LARP4B: variants seen among roughly 807,000 people sequenced by gnomAD.
The protein encoded by LARP4B is la-related protein 4B.
In LARP4B, 12 loss-of-function variants were observed where a neutral mutation model predicts 89.8. The observed-to-expected ratio is 0.13, with a 90% CI of 0.09 to 0.22. The LOEUF (loss-of-function observed/expected upper bound fraction) is 0.22. Ranked by LOEUF, LARP4B falls within the 10% of genes least tolerant of loss-of-function variation. The pLI is 1.00. For synonymous variants in LARP4B, 367 were observed against 363.3 expected (o/e 1.01, Z -0.12); for missense variants, 757 against 947.7 (o/e 0.80, Z 2.64).
the LARP4B span, among the ~76,000 whole-genome samples, chr10:948,664 C>T: frequency 6.6e-6 from 1 of 152,248 alleles, no homozygotes; most frequent in Non-Finnish European, 1.5e-5. Flanking sequence ...GAACTTCCCT[C>T]CCATCCCTGC....
chr10:927,027 G>A (rs1362872440), intron 1 of LARP4B, among the ~76,000 whole-genome samples: 6 of 147,972 alleles, frequency 4.1e-5, no homozygotes, highest in South Asian at 2.1e-4. Flanking sequence ...GCAACAGAAC[G>A]AGACTCGGTC....
Position 843,458 on chromosome 10 carries a change from G to C in LARP4B, c.510-390C>G, listed in dbSNP as rs376730729. The stretch of plus-strand genomic sequence containing the variant: ...TCACGCCTGGAATCCCAGCACTTTG[G>C]GGGGCCAAGGTAGGCAGATCATCTG... On this transcript the variant is annotated intron_variant, in intron 6 of 17. Transcript: ENST00000316157. Among the ~76,000 whole-genome samples the C allele has an allele frequency of 1.1e-3, 160 of 152,278 alleles. 2 individuals carry two copies. The South Asian group carries it at 0.012, about 12-fold the overall frequency.
chr10:903,605 A>G (rs1390514346), intron 1 of LARP4B: 2 of 152,250 alleles, frequency 1.3e-5, no homozygotes, highest in Non-Finnish European at 2.9e-5. Context: ...AATTGGCAGC[A>G]CAGCACACAG....
rs373724119 is a variant in LARP4B, at chr10:928,058, C to CAA, written c.-40+3368_-40+3369dup. On this transcript the variant is annotated intron_variant, in intron 1 of 17. Coordinates refer to ENST00000316157, the MANE Select transcript of LARP4B (RefSeq NM_015155.3). Reference sequence around the variant, plus strand: ...TGAAATCCCAACTCTACTAAAAATACAAAAAAAAAAAAAATTAGCCAGGTG... The same window carrying CAA: ...TGAAATCCCAACTCTACTAAAAATACAAAAAAAAAAAAAAAATTAGCCAGGTG... Among the ~76,000 whole-genome samples the CAA allele has an allele frequency of 1.6e-3, 224 of 138,822 alleles. 4 individuals are homozygous for CAA. Among genetic ancestry groups the CAA allele is most frequent in the Middle Eastern group, 3.7e-3 (1 of 272 alleles). The allele number at this position is 138,822 out of a possible 152,430, so 91.1% of individuals were successfully genotyped here. A position where few individuals can be genotyped will look rare whatever the true frequency, so the allele number is the denominator to read the frequency against.
At chr10:837,617 A>G (rs562708753) in intron 7 of LARP4B, among the ~76,000 whole-genome samples, 11 of 152,330 alleles carry the variant, frequency 7.2e-5, no homozygotes, top group African/African-American at 2.6e-4. Flanking sequence ...TAATCAAGGG[A>G]ATAAAACACA....
rs370804752 is a variant in LARP4B, at chr10:813,018, G to T, written c.2125C>A (p.Gln709Lys). 6.2e-7 allele frequency: 1 copy of T among 1,606,206 alleles called. No homozygotes were observed. Among genetic ancestry groups the T allele is most frequent in the African/African-American group, 1.3e-5 (1 of 74,098 alleles). ...LKSTPGAPRD[Q>K]RRPAGGRPSP... Reference sequence around the variant, plus strand: ...GGCCGGCCCCCCGCCGGCCGCCTCTGGTCTCTGGGGGCTCCAGGTGTGGAC... The same window carrying T: ...GGCCGGCCCCCCGCCGGCCGCCTCTTGTCTCTGGGGGCTCCAGGTGTGGAC... The change falls in exon 18 of 18, where the codon CAG (glutamine) becomes AAG (lysine). Residue 709 changes from glutamine (Q) to lysine (K), a missense_variant. Physicochemically the swap from Gln to Lys is moderately conservative, Grantham distance 53. Coordinates refer to ENST00000316157, the MANE Select transcript of LARP4B (RefSeq NM_015155.3).
chr10:931,083 G>A (rs1273230810), intron 1 of LARP4B, among the ~76,000 whole-genome samples: 1 of 150,288 alleles, frequency 6.7e-6, no homozygotes, highest in African/African-American at 2.4e-5. Flanking sequence ...CTCCCGCCTC[G>A]CCTCAACGGG....
intron 5 of LARP4B, among the ~76,000 whole-genome samples, chr10:847,808 C>A (rs558715362): frequency 6.6e-6 from 1 of 152,160 alleles, no homozygotes; most frequent in Non-Finnish European, 1.5e-5. Flanking sequence ...GGATTCCAGG[C>A]GTGAGCCACC....
At chr10:885,344 A>G (rs934540620) in intron 2 of LARP4B, among the ~76,000 whole-genome samples, 3 of 152,196 alleles carry the variant, frequency 2.0e-5, no homozygotes, top group African/African-American at 7.2e-5. Context: ...CAAAAAAAAA[A>G]TACAGTTTTC....
At chr10:896,608 TTTG>T (rs934896082) in intron 1 of LARP4B, among the ~76,000 whole-genome samples, 5 of 152,268 alleles carry the variant, frequency 3.3e-5, no homozygotes, top group East Asian at 1.9e-4. Flanking sequence ...ACCTAATGGG[TTTG>T]TTATTATTAA....
At chr10:851,468 A>G (rs1478786845) in intron 5 of LARP4B, among the ~76,000 whole-genome samples, 2 of 152,120 alleles carry the variant, frequency 1.3e-5, no homozygotes, top group Admixed American at 6.6e-5. Flanking sequence ...ACAGGTGTGA[A>G]CCACCATGCC....
At chr10:957,996 CAT>C in the LARP4B span, among the ~76,000 whole-genome samples, 1 of 151,898 alleles carries the variant, frequency 6.6e-6, no homozygotes, top group East Asian at 1.9e-4. Flanking sequence ...GGGGTTTCGC[CAT>C]GTTGCCCAGA....
At chr10:941,966 T>C in the LARP4B span, among the ~76,000 whole-genome samples, 1 of 152,166 alleles carries the variant, frequency 6.6e-6, no homozygotes, top group Non-Finnish European at 1.5e-5. Context: ...AAAATCTGCA[T>C]TATGTATATC....
At chr10:845,159 C>CT (rs1833711363) in intron 5 of LARP4B, 104 bp from the exon 6 acceptor site, 1 of 746,166 alleles carries the variant, frequency 1.3e-6, no homozygotes, top group Non-Finnish European at 2.2e-6. Flanking sequence ...TCTGACACAA[C>CT]TACGTAAGTG....
chr10:890,144 A>G (rs1484987292), intron 1 of LARP4B, among the ~76,000 whole-genome samples: 1 of 152,234 alleles, frequency 6.6e-6, no homozygotes, highest in Non-Finnish European at 1.5e-5. Context: ...TAAAAGTGTA[A>G]CTATTTTTGT....
At chr10:968,431 A>T in the LARP4B span, among the ~76,000 whole-genome samples, 1 of 152,194 alleles carries the variant, frequency 6.6e-6, no homozygotes, top group Non-Finnish European at 1.5e-5. Flanking sequence ...TACTGAATAC[A>T]CTTGACTTTT....
At chr10:948,576 A>G in the LARP4B span, among the ~76,000 whole-genome samples, 57 of 152,260 alleles carry the variant, frequency 3.7e-4, no homozygotes, top group African/African-American at 1.3e-3. Context: ...CAACTGGGGG[A>G]CAATATCAGG....
chr10:840,160 C>A (rs567974935), intron 7 of LARP4B, among the ~76,000 whole-genome samples: 2 of 152,092 alleles, frequency 1.3e-5, no homozygotes, highest in African/African-American at 2.4e-5. Flanking sequence ...TGTTTGGTAT[C>A]GTGATTGTGG....
chr10:825,669 C>T (rs920182818), intron 12 of LARP4B, 95 bp downstream of exon 12: 32 of 790,384 alleles, frequency 4.0e-5, no homozygotes, highest in South Asian at 2.7e-4. Flanking sequence ...GCTCTGTCTG[C>T]GAGGAGCAGG....
Sources: allele counts gnomAD v4.1 joint callset (sites outside exome capture counted in the v4.1 genomes callset), GRCh38; gene constraint gnomAD v4.1.1; transcripts MANE v1.5; gene names NCBI Gene and HGNC (gene_info 2026-07-23, HGNC 2026-07-21).